KMT2E: variants seen among roughly 807,000 people sequenced by gnomAD.
The protein encoded by KMT2E is histone reader KMT2E.
In KMT2E, 30 loss-of-function variants were observed where a neutral mutation model predicts 184.6. The observed-to-expected ratio is 0.16, with a 90% CI of 0.12 to 0.22. The LOEUF is 0.22. Among genes scored for constraint, KMT2E ranks in the 10% least tolerant of loss-of-function variants. The pLI is 1.00. For missense variants in KMT2E, 2,023 were observed against 2,237.4 expected, an observed-to-expected ratio of 0.90 and a Z score of 1.93; for synonymous variants, 815 against 776.5, an observed-to-expected ratio of 1.05 and a Z score of -0.82.
At chr7:105,089,094 G>A in intron 13 of KMT2E, 1 of 269,948 alleles carries the variant, frequency 3.7e-6, no homozygotes, top group Non-Finnish European at 7.4e-6. Context: ...GTATCATTTT[G>A]CTTTAAAAGA....
chr7:105,111,911 T>G lies in KMT2E; in HGVS notation c.4155T>G (p.Ser1385Arg). 1 of 1,614,134 alleles carries G rather than the reference T, an allele frequency of 6.2e-7. No homozygotes were observed. The highest frequency in any genetic ancestry group is 1.3e-5 in the African/African-American group (1 of 75,030). The change falls in exon 27 of 27, where the codon AGT (serine) becomes AGG (arginine). Residue 1385 changes from serine to arginine, a missense_variant. Physicochemically the swap from Ser to Arg is moderately radical, Grantham distance 110. This residue lies in a region of KMT2E where 1,108 missense variants were observed against 1,050.9 expected (regional missense o/e 1.05). Coordinates refer to ENST00000311117, the MANE Select transcript of KMT2E (RefSeq NM_182931.3). ...ATCCCCAATGGGACTCCACAGTTAG[T>G]GCATCCGAAGCTGAAAATGGTGTTC... ...KPDPQWDSTV[S>R]ASEAENGVHL...
intron 3 of KMT2E, among the ~76,000 whole-genome samples, chr7:105,057,662 C>T (rs10231782): frequency 7.9e-5 from 12 of 151,840 alleles, no homozygotes; most frequent in South Asian, 2.1e-4. Flanking sequence ...TGTGTTGCCC[C>T]GACTGGTCAT....
At chr7:105,029,571 G>A (rs949365536) in intron 1 of KMT2E, among the ~76,000 whole-genome samples, 2 of 152,160 alleles carry the variant, frequency 1.3e-5, no homozygotes, top group Non-Finnish European at 2.9e-5. Flanking sequence ...GATGGTAGGG[G>A]CCATGGCGGC....
intron 15 of KMT2E, 91 bp from the exon 16 acceptor site, chr7:105,101,334 A>G: frequency 2.3e-6 from 2 of 883,534 alleles, no homozygotes; most frequent in Non-Finnish European, 3.2e-6. Context: ...TATCATAGCA[A>G]TTATTTTTTA....
intron 1 of KMT2E, among the ~76,000 whole-genome samples, chr7:105,019,027 A>G (rs760274631): frequency 6.6e-6 from 1 of 152,126 alleles, no homozygotes; most frequent in Non-Finnish European, 1.5e-5. Flanking sequence ...TTTAATAGCA[A>G]TTGCAATATT....
At chr7:105,111,353 GTTTA>G (rs1342929743) in intron 26 of KMT2E, among the ~76,000 whole-genome samples, 2 of 151,524 alleles carry the variant, frequency 1.3e-5, no homozygotes, top group Admixed American at 6.6e-5. Context: ...CTTATACTTG[GTTTA>G]TTTATATCTG....
At chr7:105,082,886 T>C (rs1165635856) in intron 13 of KMT2E, among the ~76,000 whole-genome samples, 1 of 152,206 alleles carries the variant, frequency 6.6e-6, no homozygotes, top group Non-Finnish European at 1.5e-5. Context: ...TGTAAATTTG[T>C]TTTTTGGCAC....
chr7:105,104,832 G>A (rs748334256), intron 17 of KMT2E: 5 of 152,154 alleles, frequency 3.3e-5, no homozygotes, highest in Non-Finnish European at 7.3e-5. Context: ...TAAATTTAGT[G>A]TGTTTAATAA....
chr7:105,068,006 A>G (rs1797108115), intron 6 of KMT2E, among the ~76,000 whole-genome samples: 2 of 152,292 alleles, frequency 1.3e-5, no homozygotes, highest in South Asian at 2.1e-4. Context: ...ATTATTGTAC[A>G]TGGAACAAAA....
rs528259385 is a variant in KMT2E at position 105,074,272 on chromosome 7, A to G, written c.557-371A>G. Among the ~76,000 whole-genome samples, 158 of 152,288 alleles carry G rather than the reference A, an allele frequency of 1.0e-3. 4 individuals are homozygous for G. The highest frequency in any genetic ancestry group is 5.0e-4 in the Non-Finnish European group (34 of 68,018). On this transcript the variant is annotated intron_variant, in intron 7 of 26. Transcript: ENST00000311117. Reference sequence around the variant, plus strand: ...AGTCTTTTTGTACTTTTGCTGTTTTATCTTTGGCTAGATCTCTAATAATGA... The same window carrying G: ...AGTCTTTTTGTACTTTTGCTGTTTTGTCTTTGGCTAGATCTCTAATAATGA...
intron 8 of KMT2E, 106 bp downstream of exon 8, chr7:105,074,921 A>G (rs1392511247): frequency 1.3e-6 from 1 of 756,958 alleles, no homozygotes; most frequent in Non-Finnish European, 2.0e-6. Context: ...GCTAAAAAGG[A>G]TCTAGCAGAA....
At chr7:105,109,630 C>T (rs1007114888) in intron 23 of KMT2E, among the ~76,000 whole-genome samples, 4 of 152,076 alleles carry the variant, frequency 2.6e-5, no homozygotes, top group African/African-American at 7.2e-5. Context: ...TCCTTGGTCC[C>T]CTTTCCACCT....
chr7:105,108,312 A>G (rs897051027), intron 22 of KMT2E, among the ~76,000 whole-genome samples: 12 of 152,182 alleles, frequency 7.9e-5, no homozygotes, highest in Admixed American at 4.6e-4. Flanking sequence ...TTCCTCATCT[A>G]TAATATCTAT....
chr7:105,073,456 G>C (rs1182316850), intron 6 of KMT2E, among the ~76,000 whole-genome samples, 163 bp from the exon 7 acceptor site: 1 of 151,146 alleles, frequency 6.6e-6, no homozygotes, highest in Non-Finnish European at 1.5e-5. Context: ...GGCATCTACT[G>C]CTACTATTAG....
At chr7:105,066,619 CT>C in intron 5 of KMT2E, 107 bp from the exon 6 acceptor site, 5 of 819,266 alleles carry the variant, frequency 6.1e-6, no homozygotes, top group Non-Finnish European at 9.7e-6. Context: ...TTTAGGAGTA[CT>C]AAGCTCAAAG....
Position 105,102,310 on chromosome 7 carries a change from C to T in KMT2E, c.2196+116C>T, listed in dbSNP as rs371028102. On this transcript the variant is annotated intron_variant, in intron 17 of 26. Coordinates refer to ENST00000311117, the MANE Select transcript of KMT2E (RefSeq NM_182931.3). ...ATAATAATAAGAGGCAGTTTTTATA[C>T]TTGCAGATTTTAAAACTAAGAATGA... is the stretch of plus-strand genomic sequence containing the variant. 29 of 747,436 alleles carry T rather than the reference C, an allele frequency of 3.9e-5. No individual in the cohort carries two copies. The East Asian group carries it at 8.6e-4, about 22-fold the overall frequency. 46.3% of individuals were successfully genotyped at this position (747,436 alleles called of 1,614,324 possible).
intron 3 of KMT2E, among the ~76,000 whole-genome samples, chr7:105,054,703 A>G (rs2129566507): frequency 6.6e-6 from 1 of 152,204 alleles, no homozygotes; most frequent in Admixed American, 6.5e-5. Flanking sequence ...TAGTAGAGTC[A>G]GGGTTTCACC....
chr7:105,107,651 C>T lies in KMT2E; in HGVS notation c.3194C>T (p.Ser1065Phe). Residue 1065 changes from serine (S) to phenylalanine (F), a missense_variant, in exon 22 of 27, where the codon TCT becomes TTT. Physicochemically the swap from Ser to Phe is radical, Grantham distance 155. Around this residue, in one of 8 missense-constraint regions of KMT2E, gnomAD observed 1,108 missense variants for 1,050.9 expected, o/e 1.05. Coordinates refer to ENST00000311117, the MANE Select transcript of KMT2E (RefSeq NM_182931.3). ...CACTCTGGACGGGGCACAATGTATT[C>T]TTCCTGGGTAAAGAGCCCTGACAGA... The part of the protein sequence containing the change: ...STHSGRGTMY[S>F]SWVKSPDRTG... 6.2e-7 allele frequency: 1 copy of T among 1,614,196 alleles called. No homozygotes were observed. The highest frequency in any genetic ancestry group is 1.3e-5 in the African/African-American group (1 of 75,050).
chr7:105,014,249 G>A lies in KMT2E; in HGVS notation c.-475G>A. 1 of 180,188 alleles carries A rather than the reference G, an allele frequency of 5.5e-6. No homozygotes were observed. The highest frequency in any genetic ancestry group is 1.1e-5 in the Non-Finnish European group (1 of 88,168). 11.2% of individuals were successfully genotyped at this position (180,188 alleles called of 1,614,324 possible). On this transcript the variant is annotated 5_prime_UTR_variant, in exon 1 of 27. Transcript: ENST00000311117. ...CTGAGCGGGCGCAGGGGGCCGAGTC[G>A]GAGACCGTGCCGGAGTTCGGGAGCG... is the stretch of plus-strand genomic sequence containing the variant.
Sources: allele counts gnomAD v4.1 joint callset (sites outside exome capture counted in the v4.1 genomes callset), GRCh38; gene constraint gnomAD v4.1.1; regional missense constraint gnomAD v4.1.1; transcripts MANE v1.5; gene names NCBI Gene and HGNC (gene_info 2026-07-23, HGNC 2026-07-21).